LIN28B: variants seen among roughly 807,000 people sequenced by gnomAD.
LIN28B encodes protein lin-28 homolog B.
In LIN28B, 5 loss-of-function variants were observed where a neutral mutation model predicts 21.9. That is an observed-to-expected ratio of 0.23 (90% confidence interval 0.12 to 0.48). The LOEUF (loss-of-function observed/expected upper bound fraction) is 0.48, where lower values mean the gene tolerates loss of function less well. LIN28B is among the 20% of genes least tolerant of loss of function. The probability of loss-of-function intolerance (pLI) is 0.98; values close to 1 mark genes in which losing one functional copy is unlikely to be tolerated. For missense variants in LIN28B, 245 were observed against 310.5 expected (o/e 0.79, Z 1.58); for synonymous variants, 109 against 111.3 (o/e 0.98, Z 0.13).
chr6:105,073,966 T>C (rs1377808046), intron 3 of LIN28B, among the ~76,000 whole-genome samples: 1 of 152,182 alleles, frequency 6.6e-6, no homozygotes, highest in African/African-American at 2.4e-5. Flanking sequence ...TCATAGCAGA[T>C]CTAAATTCTG....
chr6:105,005,822 T>C (rs138696035), intron 2 of LIN28B, among the ~76,000 whole-genome samples: 124 of 152,362 alleles, frequency 8.1e-4, no homozygotes, highest in African/African-American at 2.8e-3. Flanking sequence ...TCATTGTTCT[T>C]CATTTTTTCT....
intron 2 of LIN28B, among the ~76,000 whole-genome samples, chr6:104,959,208 C>CA (rs140958640): frequency 6.6e-6 from 1 of 151,512 alleles, no homozygotes. Flanking sequence ...GTTGTTTCCT[C>CA]AAAAAAAGGT....
rs996264928 is a variant in LIN28B at position 105,078,760 on chromosome 6, G to T, written c.730G>T (p.Val244Phe). 2 of 1,612,212 alleles carry T rather than the reference G, an allele frequency of 1.2e-6. No individual in the cohort carries two copies. The highest frequency in any genetic ancestry group is 2.7e-5 in the African/African-American group (2 of 74,722). ...AGAGCAAAGCAAAAAGGGGCCTTCA[G>T]TTCAAAAAAGGAAAAAGACATAACA... Reference protein sequence around the residue: ...PEEQSKKGPSVQKRKKT With the variant: ...PEEQSKKGPSFQKRKKT Residue 244 changes from valine (V) to phenylalanine (F), a missense_variant, in exon 4 of 4, where the codon GTT becomes TTT. Transcript: ENST00000345080.
At chr6:104,967,744 A>T (rs1769893502) in intron 2 of LIN28B, among the ~76,000 whole-genome samples, 2 of 151,990 alleles carry the variant, frequency 1.3e-5, no homozygotes, top group African/African-American at 4.8e-5. Flanking sequence ...CAGTGGTGGG[A>T]TTATAGCTCA....
In LIN28B at chr6:105,038,180, A is replaced by G. The variant is rs567747304; in HGVS notation, c.383+11698A>G. ...AGATAAAACCACTCAAAGTATCTAT[A>G]GAAATTAGGGATTTAGACCTTATAC... On this transcript the variant is annotated intron_variant, in intron 3 of 3. Transcript: ENST00000345080. 9.2e-5 allele frequency among the ~76,000 whole-genome samples: 14 copies of G among 152,346 alleles called. No homozygotes were observed. In the South Asian group the frequency reaches 2.7e-3, roughly 29 times the overall value.
chr6:104,971,094 G>A (rs1769968842), intron 2 of LIN28B, among the ~76,000 whole-genome samples: 1 of 152,042 alleles, frequency 6.6e-6, no homozygotes, highest in African/African-American at 2.4e-5. Flanking sequence ...GTATAACTGT[G>A]TCCAAATAAT....
chr6:104,939,310 A>G (rs989060664), intron 2 of LIN28B: 4 of 152,268 alleles, frequency 2.6e-5, no homozygotes, highest in African/African-American at 9.6e-5. Flanking sequence ...AAAGTAATGT[A>G]AGAAATACTT....
chr6:105,035,667 A>C (rs1026680931), intron 3 of LIN28B, among the ~76,000 whole-genome samples: 1 of 152,208 alleles, frequency 6.6e-6, no homozygotes, highest in African/African-American at 2.4e-5. Context: ...ACTATGGTTT[A>C]CTTCAAGGTA....
intron 3 of LIN28B, among the ~76,000 whole-genome samples, chr6:105,029,531 T>C (rs932073589): frequency 2.0e-5 from 3 of 152,112 alleles, no homozygotes; most frequent in African/African-American, 7.2e-5. Flanking sequence ...ATGCTGGTTT[T>C]TTTTTTCTTT....
intron 3 of LIN28B, among the ~76,000 whole-genome samples, chr6:105,037,694 A>G (rs965979113): frequency 5.3e-5 from 8 of 151,280 alleles, no homozygotes; most frequent in South Asian, 4.2e-4. Flanking sequence ...ATTTTTTTTT[A>G]GAGACTGGGT....
At chr6:105,070,592 C>CCACACACACACACACACACA (rs752057191) in intron 3 of LIN28B, among the ~76,000 whole-genome samples, 2,894 of 92,180 alleles carry the variant, frequency 0.031, 209 homozygotes, top group Non-Finnish European at 0.035. Context: ...ATCAATAAAA[C>CCACACACACACACACACACA]CACACACACA....
At chr6:105,041,097 A>T (rs1478954528) in intron 3 of LIN28B, among the ~76,000 whole-genome samples, 1 of 151,078 alleles carries the variant, frequency 6.6e-6, no homozygotes, top group Non-Finnish European at 1.5e-5. Context: ...TTTTTAGTAG[A>T]GACAGGGTTT....
intron 2 of LIN28B, among the ~76,000 whole-genome samples, chr6:105,010,203 A>C (rs1316964216): frequency 5.9e-5 from 9 of 151,750 alleles, no homozygotes; most frequent in Non-Finnish European, 1.3e-4. Flanking sequence ...AAAAAAAAAA[A>C]CACACAAAAA....
intron 2 of LIN28B, among the ~76,000 whole-genome samples, chr6:105,008,601 G>A (rs536202906): frequency 2.0e-4 from 30 of 149,702 alleles, no homozygotes; most frequent in African/African-American, 6.4e-4. Context: ...CCGAGATTGT[G>A]CCACTGCACT....
At chr6:104,970,304 A>G (rs1041096049) in intron 2 of LIN28B, among the ~76,000 whole-genome samples, 1 of 152,144 alleles carries the variant, frequency 6.6e-6, no homozygotes, top group African/African-American at 2.4e-5. Flanking sequence ...TTCAGGCCCC[A>G]CCCATTAGCT....
upstream of LIN28B, among the ~76,000 whole-genome samples, chr6:104,955,068 C>T (rs1374513830): frequency 1.3e-5 from 2 of 151,952 alleles, no homozygotes; most frequent in African/African-American, 4.8e-5. Flanking sequence ...CCTCTTATAC[C>T]AGATGTTGAT....
rs138501556 is a variant in LIN28B at position 105,070,899 on chromosome 6, C to T, written c.384-7515C>T. 4.6e-3 allele frequency among the ~76,000 whole-genome samples: 699 copies of T among 152,178 alleles called. 5 individuals are homozygous for T. The highest frequency in any genetic ancestry group is 0.016 in the African/African-American group (669 of 41,520). On this transcript the variant is annotated intron_variant, in intron 3 of 3. Coordinates refer to ENST00000345080, the MANE Select transcript of LIN28B (RefSeq NM_001004317.4). ...TTCATTCATTCATTCATTCATTTGA[C>T]GGAGTCTTGCTCTGTCACCCAGGCT...
Position 105,041,525 on chromosome 6 carries a change from G to GT in LIN28B, c.383+15051dup, listed in dbSNP as rs536612480. Among the ~76,000 whole-genome samples the GT allele has an allele frequency of 3.5e-4, 53 of 151,944 alleles. 1 individual carries two copies. In the South Asian group the frequency reaches 0.01, roughly 29 times the overall value. ...CACAGGTTTCAGTATGAAGTTCTAG[G>GT]TTTTTTTTGTTATTTTCTAGATAAT... On this transcript the variant is annotated intron_variant, in intron 3 of 3. Coordinates refer to ENST00000345080, the MANE Select transcript of LIN28B (RefSeq NM_001004317.4).
chr6:105,052,483 C>A (rs972563388), intron 3 of LIN28B, among the ~76,000 whole-genome samples: 1 of 152,140 alleles, frequency 6.6e-6, no homozygotes, highest in Admixed American at 6.5e-5. Context: ...TTACAAGGAA[C>A]CCATTCCTGT....
Sources: allele counts gnomAD v4.1 joint callset (sites outside exome capture counted in the v4.1 genomes callset), GRCh38; gene constraint gnomAD v4.1.1; transcripts MANE v1.5; gene names NCBI Gene and HGNC (gene_info 2026-07-23, HGNC 2026-07-21).